The following MACROH2A2 variants were observed in gnomAD, a reference collection of about 807,000 sequenced individuals.
MACROH2A2 encodes core histone macro-H2A.2.
Under a neutral mutation model 37.6 loss-of-function variants are expected in MACROH2A2, and 6 were observed. The observed-to-expected ratio is 0.16, with a 90% CI of 0.09 to 0.32. The LOEUF (loss-of-function observed/expected upper bound fraction) is 0.32, where lower values mean the gene tolerates loss of function less well. Ranked by LOEUF, MACROH2A2 falls within the 10% of genes least tolerant of loss-of-function variation. The pLI is 1.00. For missense variants in MACROH2A2, 290 were observed against 485.9 expected, an observed-to-expected ratio of 0.60 and a Z score of 3.79; for synonymous variants, 192 against 202.7, an observed-to-expected ratio of 0.95 and a Z score of 0.45.
intron 2 of MACROH2A2, among the ~76,000 whole-genome samples, chr10:70,087,616 A>G (rs1777228652): frequency 1.3e-5 from 2 of 152,212 alleles, no homozygotes; most frequent in South Asian, 4.1e-4. Context: ...TGCTTATCTA[A>G]TACAGCATTA....
chr10:70,063,631 G>A (rs376091857), intron 1 of MACROH2A2, among the ~76,000 whole-genome samples: 5 of 152,306 alleles, frequency 3.3e-5, no homozygotes, highest in African/African-American at 1.2e-4. Flanking sequence ...CACAAATGAC[G>A]TTTGTTAAAA....
At chr10:70,105,230 C>A (rs1296979277) in intron 7 of MACROH2A2, among the ~76,000 whole-genome samples, 2 of 152,206 alleles carry the variant, frequency 1.3e-5, no homozygotes, top group Non-Finnish European at 2.9e-5. Flanking sequence ...GGGGCAGAAC[C>A]AGTTCACGTT....
At chr10:70,091,675 A>G (rs1239502746) in intron 3 of MACROH2A2, 82 bp from the exon 4 acceptor site, 2 of 250,594 alleles carry the variant, frequency 8.0e-6, no homozygotes, top group Non-Finnish European at 1.2e-5. Flanking sequence ...TTCTGTATCA[A>G]AAAAAAAAAA....
At chr10:70,085,209 G>A (rs560644603) in intron 2 of MACROH2A2, among the ~76,000 whole-genome samples, 1 of 152,266 alleles carries the variant, frequency 6.6e-6, no homozygotes, top group African/African-American at 2.4e-5. Context: ...TTCTAAGGGC[G>A]AAGAGAAACG....
At chr10:70,090,345 T>C (rs916991255) in intron 3 of MACROH2A2, among the ~76,000 whole-genome samples, 179 bp downstream of exon 3, 1 of 152,250 alleles carries the variant, frequency 6.6e-6, no homozygotes, top group Non-Finnish European at 1.5e-5. Context: ...CAAAATAAAA[T>C]TGCCTCTGGC....
At chr10:70,090,471 C>A (rs1051563919) in intron 3 of MACROH2A2, among the ~76,000 whole-genome samples, 7 of 152,200 alleles carry the variant, frequency 4.6e-5, no homozygotes, top group African/African-American at 1.7e-4. Context: ...ACTTTCTTCA[C>A]CCAAACTTAG....
Position 70,103,237 on chromosome 10 carries a change from A to T in MACROH2A2, c.778+2940A>T, listed in dbSNP as rs746276524. Among the ~76,000 whole-genome samples the T allele has an allele frequency of 2.0e-5, 3 of 152,256 alleles. No homozygotes were observed. The East Asian group carries it at 5.8e-4, about 29-fold the overall frequency. ...GATATAACCATGAGACCAAGCCCCA[A>T]CTCAGTCATCTAAGACGGCATCAGG... On this transcript the variant is annotated intron_variant, in intron 7 of 8. Coordinates refer to ENST00000373255, the MANE Select transcript of MACROH2A2 (RefSeq NM_018649.3).
chr10:70,100,252 G>A lies in MACROH2A2; in HGVS notation c.733G>A (p.Val245Ile). 2 of 1,611,936 alleles carry A rather than the reference G, an allele frequency of 1.2e-6. No individual in the cohort carries two copies. The highest frequency in any genetic ancestry group is 4.5e-5 in the East Asian group (2 of 44,874). ...TGGGGGAAAAGAGTTCTTGGAAACG[G>A]TAAAGGAGCTTCGCAAATCCCAAGG... The part of the protein sequence containing the change: ...KAGGKEFLET[V>I]KELRKSQGPL... The change falls in exon 7 of 9, where the codon GTA becomes ATA. Residue 245 changes from valine to isoleucine, a missense_variant. Coordinates refer to ENST00000373255, the MANE Select transcript of MACROH2A2 (RefSeq NM_018649.3).
intron 2 of MACROH2A2, among the ~76,000 whole-genome samples, chr10:70,079,022 T>C (rs1169504328): frequency 6.6e-6 from 1 of 152,134 alleles, no homozygotes; most frequent in Non-Finnish European, 1.5e-5. Context: ...GAAAACCAGC[T>C]AACTTGGTCC....
At chr10:70,079,608 G>GACACAC (rs1554822102) in intron 2 of MACROH2A2, among the ~76,000 whole-genome samples, 14 of 79,948 alleles carry the variant, frequency 1.8e-4, no homozygotes, top group Non-Finnish European at 3.1e-4. Flanking sequence ...CACACACACG[G>GACACAC]CAGAGGAGGC....
intron 1 of MACROH2A2, among the ~76,000 whole-genome samples, chr10:70,070,367 A>G (rs548918021): frequency 6.6e-6 from 1 of 152,336 alleles, no homozygotes; most frequent in African/African-American, 2.4e-5. Flanking sequence ...ATTATAAAGT[A>G]CCATGTTCAG....
chr10:70,056,751 A>T (rs2072019791), intron 1 of MACROH2A2, among the ~76,000 whole-genome samples: 1 of 152,140 alleles, frequency 6.6e-6, no homozygotes, highest in South Asian at 2.1e-4. Context: ...TGATTATGAG[A>T]TTCCCTTGCA....
At chr10:70,065,303 C>T (rs1472438847) in intron 1 of MACROH2A2, among the ~76,000 whole-genome samples, 1 of 152,230 alleles carries the variant, frequency 6.6e-6, no homozygotes, top group African/African-American at 2.4e-5. Flanking sequence ...TCTCGAACTC[C>T]TGACCTTAAG....
intron 6 of MACROH2A2, chr10:70,098,679 A>T (rs902793048): frequency 6.6e-6 from 1 of 152,166 alleles, no homozygotes; most frequent in African/African-American, 2.4e-5. Context: ...AGGTTTCATG[A>T]GGTGTAGGTT....
chr10:70,080,484 C>T (rs1050096928), intron 2 of MACROH2A2, among the ~76,000 whole-genome samples: 55 of 151,952 alleles, frequency 3.6e-4, no homozygotes, highest in African/African-American at 1.2e-3. Context: ...GCCTGTAATC[C>T]GAACACTTTG....
chr10:70,071,986 C>T lies in MACROH2A2; in HGVS notation c.-59-3614C>T, dbSNP rs1283548641. 3.9e-5 allele frequency among the ~76,000 whole-genome samples: 6 copies of T among 152,068 alleles called. No individual in the cohort carries two copies. The South Asian group carries it at 1.2e-3, about 32-fold the overall frequency. On this transcript the variant is annotated intron_variant, in intron 1 of 8. Coordinates refer to ENST00000373255, the MANE Select transcript of MACROH2A2 (RefSeq NM_018649.3). Reference sequence around the variant, plus strand: ...ACTACATTTAAAAGAGAATATTTTCCTTAATAATAAATTAACCTTACCCAA... The same window carrying T: ...ACTACATTTAAAAGAGAATATTTTCTTTAATAATAAATTAACCTTACCCAA...
intron 7 of MACROH2A2, 98 bp from the exon 8 acceptor site, chr10:70,108,935 T>C: frequency 9.3e-7 from 1 of 1,071,836 alleles, no homozygotes; most frequent in Non-Finnish European, 1.4e-6. Flanking sequence ...TCTCTATCAC[T>C]GCCTTATCTC....
At chr10:70,059,877 A>G (rs904294651) in intron 1 of MACROH2A2, among the ~76,000 whole-genome samples, 54 of 152,036 alleles carry the variant, frequency 3.6e-4, no homozygotes, top group African/African-American at 1.3e-3. Flanking sequence ...GGTTACACCC[A>G]CAGAGAGGAT....
chr10:70,103,808 GGAAA>G (rs1462459955), intron 7 of MACROH2A2, among the ~76,000 whole-genome samples: 1 of 151,974 alleles, frequency 6.6e-6, no homozygotes, highest in Non-Finnish European at 1.5e-5. Flanking sequence ...TGTGGAAACA[GGAAA>G]GAAATACCTT....
Sources: allele counts gnomAD v4.1 joint callset (sites outside exome capture counted in the v4.1 genomes callset), GRCh38; gene constraint gnomAD v4.1.1; transcripts MANE v1.5; gene names NCBI Gene and HGNC (gene_info 2026-07-23, HGNC 2026-07-21).